FAM117B: variants seen among roughly 807,000 people sequenced by gnomAD.
The protein encoded by FAM117B is protein FAM117B.
A neutral mutation model predicts 52.8 loss-of-function variants in FAM117B; 22 were observed. The observed-to-expected ratio is 0.42, with a 90% confidence interval of 0.30 to 0.59. The LOEUF is 0.59. FAM117B is among the 20% of genes least tolerant of loss of function. FAM117B has a pLI of 0.22. For synonymous variants in FAM117B, 309 were observed against 324.1 expected (o/e 0.95, Z 0.50); for missense variants, 678 against 802.6 (o/e 0.84, Z 1.88).
chr2:202,722,873 ATTAAGT>A (rs1428424247), intron 2 of FAM117B, among the ~76,000 whole-genome samples: 1 of 152,172 alleles, frequency 6.6e-6, no homozygotes, highest in African/African-American at 2.4e-5. Flanking sequence ...ATTTTATAGT[ATTAAGT>A]TTATTATTTT....
At chr2:202,718,629 A>G (rs1443195891) in intron 2 of FAM117B, among the ~76,000 whole-genome samples, 1 of 152,264 alleles carries the variant, frequency 6.6e-6, no homozygotes, top group South Asian at 2.1e-4. Context: ...GGATCTTTGC[A>G]TCTATATTTG....
At chr2:202,690,939 G>GTA (rs1690611286) in intron 1 of FAM117B, among the ~76,000 whole-genome samples, 1 of 152,132 alleles carries the variant, frequency 6.6e-6, no homozygotes, top group Non-Finnish European at 1.5e-5. Flanking sequence ...AAATGACAGG[G>GTA]TAGATGTAGA....
chr2:202,734,261 G>T (rs1463015860), intron 4 of FAM117B, among the ~76,000 whole-genome samples: 1 of 152,098 alleles, frequency 6.6e-6, no homozygotes, highest in African/African-American at 2.4e-5. Flanking sequence ...GGTGGTACCC[G>T]TTGTAGTCCC....
intron 1 of FAM117B, among the ~76,000 whole-genome samples, chr2:202,655,743 A>T (rs1320801169): frequency 5.9e-5 from 8 of 134,764 alleles, no homozygotes; most frequent in African/African-American, 3.0e-4. Flanking sequence ...AGAGAGAGAG[A>T]GAGAGAGAGA....
Position 202,645,159 on chromosome 2 carries a change from T to TA in FAM117B, c.601+9372dup, listed in dbSNP as rs1039373770. Among the ~76,000 whole-genome samples the TA allele has an allele frequency of 2.2e-4, 34 of 152,220 alleles. 1 individual carries two copies. The highest frequency in any genetic ancestry group is 3.8e-4 in the Non-Finnish European group (26 of 68,046). ...TCAAAATATATTTTCTTTTAAAAAA[T>TA]AGAGACTGAGTCTCGCTGTATTGCC... On this transcript the variant is annotated intron_variant, in intron 1 of 7. Coordinates refer to ENST00000392238, the MANE Select transcript of FAM117B (RefSeq NM_173511.4).
chr2:202,728,096 C>T (rs931634429), intron 4 of FAM117B, among the ~76,000 whole-genome samples: 4 of 152,166 alleles, frequency 2.6e-5, no homozygotes, highest in Non-Finnish European at 5.9e-5. Context: ...CCTCCCACCT[C>T]AGCCTGCTGA....
chr2:202,724,813 C>G lies in FAM117B; in HGVS notation c.754-104C>G. On this transcript the variant is annotated intron_variant, in intron 2 of 7. Transcript: ENST00000392238. ...AATTTGTGTTAATTATTTTTAATGT[C>G]TAATTTTTTTGTAATGGAAATATGT... is the stretch of plus-strand genomic sequence containing the variant. 3 of 740,608 alleles carry G rather than the reference C, an allele frequency of 4.1e-6. No individual in the cohort carries two copies. The South Asian group carries it at 1.3e-4, about 31-fold the overall frequency. The allele number at this position is 740,608 out of a possible 1,614,324, so 45.9% of individuals were successfully genotyped here. A position where few individuals can be genotyped will look rare whatever the true frequency, so the allele number is the denominator to read the frequency against.
intron 2 of FAM117B, among the ~76,000 whole-genome samples, chr2:202,708,400 CTTTTT>C (rs898386499): frequency 6.6e-6 from 1 of 151,210 alleles, no homozygotes; most frequent in Non-Finnish European, 1.5e-5. Context: ...TGCAGAATTT[CTTTTT>C]TTTTAAGACT....
Position 202,645,609 on chromosome 2 carries a change from GATTTATTT to G in FAM117B, c.601+9826_601+9833del, listed in dbSNP as rs199780170. On this transcript the variant is annotated intron_variant, in intron 1 of 7. Transcript: ENST00000392238. ...CGGCAGCCTGTTTTTATTTCTATCA[GATTTATTT>G]ATTTGAGACGGAGTCTCGCTCTGTC... 2.8e-3 allele frequency among the ~76,000 whole-genome samples: 391 copies of G among 139,392 alleles called. 8 individuals carry two copies. In the East Asian group the frequency reaches 0.076, roughly 27 times the overall value. The allele number at this position is 139,392 out of a possible 152,430, so 91.4% of individuals were successfully genotyped here. A position where few individuals can be genotyped will look rare whatever the true frequency, so the allele number is the denominator to read the frequency against.
intron 4 of FAM117B, among the ~76,000 whole-genome samples, chr2:202,739,537 C>T (rs1028155896): frequency 3.3e-5 from 5 of 149,814 alleles, no homozygotes; most frequent in Admixed American, 2.7e-4. Context: ...GTCACTGCAG[C>T]CTCAACCTCC....
intron 1 of FAM117B, among the ~76,000 whole-genome samples, chr2:202,663,445 CTTTT>C (rs1297473151): frequency 6.6e-6 from 1 of 151,938 alleles, no homozygotes; most frequent in Non-Finnish European, 1.5e-5. Flanking sequence ...AAGCGTGTAT[CTTTT>C]TATTTAATGG....
Position 202,765,975 on chromosome 2 carries a change from A to G in FAM117B, c.*211A>G, listed in dbSNP as rs184103661. 82 of 567,768 alleles carry G rather than the reference A, an allele frequency of 1.4e-4. 1 individual carries two copies. In the African/African-American group the frequency reaches 1.5e-3, roughly 10 times the overall value. The allele number at this position is 567,768 out of a possible 1,614,324, so 35.2% of individuals were successfully genotyped here. A position where few individuals can be genotyped will look rare whatever the true frequency, so the allele number is the denominator to read the frequency against. On this transcript the variant is annotated 3_prime_UTR_variant, in exon 8 of 8. Coordinates refer to ENST00000392238, the MANE Select transcript of FAM117B (RefSeq NM_173511.4). The stretch of plus-strand genomic sequence containing the variant: ...TCAGTGCTTAGCCTGCTTTTTATCA[A>G]AGCACTGATTGAAACAAGAAAGGTC...
intron 1 of FAM117B, among the ~76,000 whole-genome samples, chr2:202,653,182 C>G (rs1226055717): frequency 6.6e-6 from 1 of 152,064 alleles, no homozygotes; most frequent in South Asian, 2.1e-4. Flanking sequence ...GTGGAAAGAT[C>G]CCTTGAGCCC....
At chr2:202,702,755 G>T (rs1275889406) in intron 2 of FAM117B, among the ~76,000 whole-genome samples, 16 of 152,158 alleles carry the variant, frequency 1.1e-4, no homozygotes, top group African/African-American at 3.6e-4. Flanking sequence ...GGGTTTCACT[G>T]TGTTAGCCAG....
chr2:202,650,297 A>G (rs958016961), intron 1 of FAM117B, among the ~76,000 whole-genome samples: 4 of 152,018 alleles, frequency 2.6e-5, no homozygotes, highest in Non-Finnish European at 5.9e-5. Context: ...TTTGGAACCT[A>G]CTTGGGTGGT....
intron 4 of FAM117B, among the ~76,000 whole-genome samples, chr2:202,749,444 A>G: frequency 3.4e-5 from 1 of 29,242 alleles, no homozygotes; most frequent in Middle Eastern, 0.025. Flanking sequence ...TATAATGTTA[A>G]AAAAAAAAAA....
At chr2:202,654,603 C>G (rs2105758274) in intron 1 of FAM117B, among the ~76,000 whole-genome samples, 1 of 151,464 alleles carries the variant, frequency 6.6e-6, no homozygotes, top group African/African-American at 2.4e-5. Context: ...ATAGTATACA[C>G]ATCTTACTGC....
intron 2 of FAM117B, among the ~76,000 whole-genome samples, chr2:202,714,522 C>CTTTTTTTTTTATT (rs201682417): frequency 8.1e-6 from 1 of 123,858 alleles, no homozygotes; most frequent in Non-Finnish European, 1.7e-5. Flanking sequence ...GTTGTTATAT[C>CTTTTTTTTTTATT]TTTTTTTTTT....
chr2:202,661,774 G>A (rs902825445), intron 1 of FAM117B, among the ~76,000 whole-genome samples: 1 of 151,990 alleles, frequency 6.6e-6, no homozygotes, highest in Non-Finnish European at 1.5e-5. Context: ...AAATTAGCCG[G>A]GCATGGTGGC....
Sources: gnomAD v4.1 joint callset for allele counts (sites outside exome capture counted in the v4.1 genomes callset) on GRCh38, gnomAD v4.1.1 for gene constraint, MANE v1.5 for transcripts, NCBI Gene and HGNC (gene_info 2026-07-23, HGNC 2026-07-21) for gene names.